PEX3: variants seen among roughly 807,000 people sequenced by gnomAD.
PEX3 encodes peroxisomal biogenesis factor 3, also known as peroxin-3.
PEX3 carries 30 observed loss-of-function variants against 55.8 expected under a neutral mutation model. The ratio of observed to expected loss-of-function variants is 0.54; its 90% CI spans 0.40 to 0.73. The LOEUF (loss-of-function observed/expected upper bound fraction) is 0.73. Ranked by LOEUF, PEX3 falls within the 30% of genes least tolerant of loss-of-function variation. The pLI is 0.00. For synonymous variants in PEX3, 135 were observed against 148.4 expected, an observed-to-expected ratio of 0.91 and a Z score of 0.66; for missense variants, 351 against 432.8, an observed-to-expected ratio of 0.81 and a Z score of 1.68.
intron 3 of PEX3, among the ~76,000 whole-genome samples, chr6:143,467,732 T>C (rs987894209): frequency 1.3e-5 from 2 of 152,164 alleles, no homozygotes; most frequent in African/African-American, 4.8e-5. Flanking sequence ...ATGAAATATA[T>C]GTGTAAATTC....
In PEX3 at chr6:143,470,819, T is replaced by C. The variant is rs889885129; in HGVS notation, c.332-142T>C. The C allele has an allele frequency of 7.1e-5, 47 of 662,330 alleles. No homozygotes were observed. In the African/African-American group the frequency reaches 8.6e-4, roughly 12 times the overall value. 41.0% of individuals were successfully genotyped at this position (662,330 alleles called of 1,614,324 possible). ...ATTGTGAGGAGAGACTGAAATATTT[T>C]GAATTGATATATTTTTATACTAGAA... On this transcript the variant is annotated intron_variant, in intron 4 of 11. Coordinates refer to ENST00000367591, the MANE Select transcript of PEX3 (RefSeq NM_003630.3).
In PEX3 at chr6:143,476,470, A is replaced by T. The variant is rs1209612639; in HGVS notation, c.818+1614A>T. Among the ~76,000 whole-genome samples, 1 of 152,238 alleles carries T rather than the reference A, an allele frequency of 6.6e-6. No homozygotes were observed. Among genetic ancestry groups the T allele is most frequent in the Admixed American group, 6.5e-5 (1 of 15,274 alleles). ...CTCATTGCTCTATGGTAAGCTGACT[A>T]TAAAGAGATAAGAATAGAAGGAGGG... On this transcript the variant is annotated intron_variant, in intron 9 of 11. Transcript: ENST00000367591. This position sits in a 1 kb window ranked among gnomAD's most constrained non-coding sequence, Gnocchi z 5.4.
rs1779879400 is a variant in PEX3 at position 143,458,711 on chromosome 6, G to A, written c.74-374G>A. On this transcript the variant is annotated intron_variant, in intron 1 of 11. Coordinates refer to ENST00000367591, the MANE Select transcript of PEX3 (RefSeq NM_003630.3). This position sits in a 1 kb window ranked among gnomAD's most constrained non-coding sequence, Gnocchi z 6.1. Reference sequence around the variant, plus strand: ...GGATATTTCCTTGAGTCATTATTTAGCAATGTGGTTTTTAATAACTACATA... The same window carrying A: ...GGATATTTCCTTGAGTCATTATTTAACAATGTGGTTTTTAATAACTACATA... Among the ~76,000 whole-genome samples the A allele has an allele frequency of 6.6e-6, 1 of 152,006 alleles. No homozygotes were observed. The highest frequency in any genetic ancestry group is 2.4e-5 in the African/African-American group (1 of 41,372).
Position 143,476,443 on chromosome 6 carries a change from A to G in PEX3, c.818+1587A>G, listed in dbSNP as rs1780154952. ...GTGACATCATCTGTGTTTATAAAAG[A>G]TCTCATTGCTCTATGGTAAGCTGAC... On this transcript the variant is annotated intron_variant, in intron 9 of 11. Transcript: ENST00000367591. The surrounding 1 kb of genome is among the most constrained non-coding windows in gnomAD (Gnocchi z 5.4). Among the ~76,000 whole-genome samples, 1 of 152,234 alleles carries G rather than the reference A, an allele frequency of 6.6e-6. No individual in the cohort carries two copies. The highest frequency in any genetic ancestry group is 6.5e-5 in the Admixed American group (1 of 15,282).
chr6:143,469,080 G>T (rs937409609), intron 4 of PEX3, among the ~76,000 whole-genome samples: 2 of 152,100 alleles, frequency 1.3e-5, no homozygotes, highest in African/African-American at 4.8e-5. Context: ...ATCATTGATG[G>T]ACATTTGGGT....
intron 1 of PEX3, among the ~76,000 whole-genome samples, chr6:143,456,417 T>A (rs1444448322): frequency 6.6e-6 from 1 of 152,236 alleles, no homozygotes; most frequent in Non-Finnish European, 1.5e-5. Context: ...CTTAGTTCAG[T>A]GCTAAAATCA....
chr6:143,464,609 A>C lies in PEX3; in HGVS notation c.287+1612A>C, dbSNP rs959622594. ...GAATTTCTTAAATTCTGGAGAATTT[A>C]AGGTGGGCCACAGTTCTCCTCATTC... On this transcript the variant is annotated intron_variant, in intron 3 of 11. Coordinates refer to ENST00000367591, the MANE Select transcript of PEX3 (RefSeq NM_003630.3). This position sits in a 1 kb window ranked among gnomAD's most constrained non-coding sequence, Gnocchi z 5.8. Among the ~76,000 whole-genome samples, 1 of 151,954 alleles carries C rather than the reference A, an allele frequency of 6.6e-6. No homozygotes were observed. Among genetic ancestry groups the C allele is most frequent in the South Asian group, 2.1e-4 (1 of 4,826 alleles).
At chr6:143,468,807 C>CCA (rs367583437) in intron 4 of PEX3, among the ~76,000 whole-genome samples, 2 of 97,642 alleles carry the variant, frequency 2.0e-5, no homozygotes, top group East Asian at 3.9e-4. Context: ...GCTATCCCCC[C>CCA]CCCCCCCACC....
chr6:143,474,682 ATAGACT>A (rs926310754), intron 8 of PEX3, 98 bp from the exon 9 acceptor site: 4 of 764,628 alleles, frequency 5.2e-6, no homozygotes, highest in Admixed American at 1.8e-5. Context: ...TTGATAGAAC[ATAGACT>A]TAGATTTCCT....
rs1437919134 is a variant in PEX3 at position 143,459,300 on chromosome 6, A to C, written c.205+84A>C. ...ATATCACCGGGATCAAATTTAGAGG[A>C]AAAGGCAAAGAAAAGATGGTAAATC... On this transcript the variant is annotated intron_variant, in intron 2 of 11. Transcript: ENST00000367591. The surrounding 1 kb of genome is among the most constrained non-coding windows in gnomAD (Gnocchi z 4.2). 1 of 1,165,126 alleles carries C rather than the reference A, an allele frequency of 8.6e-7. No homozygotes were observed. Among genetic ancestry groups the C allele is most frequent in the African/African-American group, 1.5e-5 (1 of 65,978 alleles). 72.2% of individuals were successfully genotyped at this position (1,165,126 alleles called of 1,614,324 possible).
chr6:143,462,983 T>A lies in PEX3; in HGVS notation c.273T>A (p.Ala91=). The A allele has an allele frequency of 6.2e-7, 1 of 1,613,282 alleles. No individual in the cohort carries two copies. Among genetic ancestry groups the A allele is most frequent in the Non-Finnish European group, 8.5e-7 (1 of 1,179,266 alleles). Residue 91 remains alanine (A), a synonymous_variant, in exon 3 of 12, where the codon GCT becomes GCA. Transcript: ENST00000367591. The surrounding 1 kb of genome is among the most constrained non-coding windows in gnomAD (Gnocchi z 4.1). ...MQQLNSESLT[A]LLKNRPSNKL... is the part of the protein sequence containing the mutation. ...AACTGAATTCCGAGAGCCTCACAGC[T>A]CTGCTAAAAAACAGGTAAATGCAAG...
rs1779954426 is a variant in PEX3 at position 143,463,723 on chromosome 6, C to T, written c.287+726C>T. Among the ~76,000 whole-genome samples the T allele has an allele frequency of 6.6e-6, 1 of 152,112 alleles. No individual in the cohort carries two copies. Among genetic ancestry groups the T allele is most frequent in the Non-Finnish European group, 1.5e-5 (1 of 68,004 alleles). On this transcript the variant is annotated intron_variant, in intron 3 of 11. Transcript: ENST00000367591. This position sits in a 1 kb window ranked among gnomAD's most constrained non-coding sequence, Gnocchi z 5.7. Reference sequence around the variant, plus strand: ...AAATAATCACTTGCCTTTAATCACCCTTCAAATAGCCAGGGGAAAAGTAGT... The same window carrying T: ...AAATAATCACTTGCCTTTAATCACCTTTCAAATAGCCAGGGGAAAAGTAGT...
intron 1 of PEX3, among the ~76,000 whole-genome samples, chr6:143,452,556 G>A (rs1779790891): frequency 6.6e-6 from 1 of 152,116 alleles, no homozygotes; most frequent in South Asian, 2.1e-4. Context: ...AAGCAAAAGA[G>A]TATACTTAAA....
At chr6:143,472,846 G>A (rs1027123280) in intron 8 of PEX3, among the ~76,000 whole-genome samples, 2 of 152,158 alleles carry the variant, frequency 1.3e-5, no homozygotes, top group Non-Finnish European at 2.9e-5. Flanking sequence ...GTACAAAAAT[G>A]GACTGAGGAG....
In PEX3 at chr6:143,463,037, C is replaced by T; in HGVS notation, c.287+40C>T. ...CAGCATTTTCTGTTTAAGCACTACA[C>T]TTAAAGTTTATAGAATGAACTGATA... On this transcript the variant is annotated intron_variant, in intron 3 of 11. Coordinates refer to ENST00000367591, the MANE Select transcript of PEX3 (RefSeq NM_003630.3). The surrounding 1 kb of genome is among the most constrained non-coding windows in gnomAD (Gnocchi z 5.7). 7.1e-7 allele frequency: 1 copy of T among 1,406,892 alleles called. No individual in the cohort carries two copies. Among genetic ancestry groups the T allele is most frequent in the South Asian group, 1.2e-5 (1 of 86,690 alleles). The allele number at this position is 1,406,892 out of a possible 1,614,324, so 87.2% of individuals were successfully genotyped here.
chr6:143,473,062 G>A (rs1780097138), intron 8 of PEX3, among the ~76,000 whole-genome samples: 1 of 152,106 alleles, frequency 6.6e-6, no homozygotes, highest in African/African-American at 2.4e-5. Flanking sequence ...TTTGTAATTG[G>A]GAGAACAGCT....
intron 4 of PEX3, 28 bp downstream of exon 4, chr6:143,468,193 A>T (rs1280216278): frequency 3.4e-6 from 5 of 1,450,058 alleles, no homozygotes; most frequent in Non-Finnish European, 4.8e-6. Flanking sequence ...GTGTGACAGC[A>T]CATCCTTAAA....
In PEX3 at chr6:143,471,463, T is replaced by A. The variant is rs751560045; in HGVS notation, c.523+14T>A. On this transcript the variant is annotated intron_variant, in intron 6 of 11. Coordinates refer to ENST00000367591, the MANE Select transcript of PEX3 (RefSeq NM_003630.3). The surrounding 1 kb of genome is among the most constrained non-coding windows in gnomAD (Gnocchi z 5.4). ...TACTTGGAGATGGTAAGATTCTTATTTGTGACTTTTATACTAATTTTAATT... is the reference window on the plus strand; with the variant it reads ...TACTTGGAGATGGTAAGATTCTTATATGTGACTTTTATACTAATTTTAATT... 2 of 1,583,240 alleles carry A rather than the reference T, an allele frequency of 1.3e-6. No individual in the cohort carries two copies. The highest frequency in any genetic ancestry group is 2.2e-5 in the East Asian group (1 of 44,622).
chr6:143,453,334 G>A lies in PEX3; in HGVS notation c.73+2219G>A, dbSNP rs2128745037. On this transcript the variant is annotated intron_variant, in intron 1 of 11. Transcript: ENST00000367591. The surrounding 1 kb of genome is among the most constrained non-coding windows in gnomAD (Gnocchi z 4.6). ...TATATCAACAGGCATGCGCAGAGAA[G>A]TTTGGGCATTCAATAGTGGGGGAAG... Among the ~76,000 whole-genome samples the A allele has an allele frequency of 6.6e-6, 1 of 152,310 alleles. No individual in the cohort carries two copies. Among genetic ancestry groups the A allele is most frequent in the South Asian group, 2.1e-4 (1 of 4,824 alleles).
Sources: gnomAD v4.1 joint callset for allele counts (sites outside exome capture counted in the v4.1 genomes callset) on GRCh38, gnomAD v4.1.1 for gene constraint, Gnocchi (gnomAD v3.1) non-coding constraint, MANE v1.5 for transcripts, NCBI Gene and HGNC (gene_info 2026-07-23, HGNC 2026-07-21) for gene names.